Variants in KCNQ1 observed in about 807,000 individuals in gnomAD.
KCNQ1 encodes potassium voltage-gated channel subfamily Q member 1.
A neutral mutation model predicts 72.4 loss-of-function variants in KCNQ1; 49 were observed. The ratio of observed to expected loss-of-function variants is 0.68; its 90% CI spans 0.54 to 0.86. The LOEUF (loss-of-function observed/expected upper bound fraction) is 0.86, where lower values mean the gene tolerates loss of function less well. Among genes scored for constraint, KCNQ1 ranks in the 40% least tolerant of loss-of-function variants. The probability of loss-of-function intolerance (pLI) is 0.00; values close to 1 mark genes in which losing one functional copy is unlikely to be tolerated. For synonymous variants in KCNQ1, 450 were observed against 412.6 expected, an observed-to-expected ratio of 1.09 and a Z score of -1.10; for missense variants, 790 against 945.1, an observed-to-expected ratio of 0.84 and a Z score of 2.15.
intron 1 of KCNQ1, among the ~76,000 whole-genome samples, chr11:2,504,881 C>T (rs1229054811): frequency 2.0e-5 from 3 of 152,124 alleles, no homozygotes; most frequent in East Asian, 3.8e-4. Flanking sequence ...GTTAGAATAT[C>T]TCATGGACCC....
At position 2,674,347 on chromosome 11, in the gene KCNQ1, T is replaced by C. The variant is rs1850248629; in HGVS notation, c.1514+12266T>C. 1 of 398,240 alleles carries C rather than the reference T, an allele frequency of 2.5e-6. No homozygotes were observed. The highest frequency in any genetic ancestry group is 2.1e-5 in the African/African-American group (1 of 48,602). 24.7% of individuals were successfully genotyped at this position (398,240 alleles called of 1,614,324 possible). A position where few individuals can be genotyped will look rare whatever the true frequency, so the allele number is the denominator to read the frequency against. On this transcript the variant is annotated intron_variant, in intron 11 of 15. Coordinates refer to ENST00000155840, the MANE Select transcript of KCNQ1 (RefSeq NM_000218.3). This position sits in a 1 kb window ranked among gnomAD's most constrained non-coding sequence, Gnocchi z 5.9. ...ACACCCTCTGGAAATCTGAATTCCA[T>C]TCGCTCTTGGCAAAGAGCAGCTTCC... is the stretch of plus-strand genomic sequence containing the variant.
intron 11 of KCNQ1, chr11:2,684,177 C>T (rs1351781046): frequency 2.5e-6 from 1 of 398,502 alleles, no homozygotes; most frequent in Non-Finnish European, 4.4e-6. Flanking sequence ...AGAGAAGCGC[C>T]CACTGGGGCT....
chr11:2,801,656 T>C (rs1035120372), intron 15 of KCNQ1, among the ~76,000 whole-genome samples: 21 of 152,198 alleles, frequency 1.4e-4, no homozygotes, highest in Admixed American at 6.5e-5. Context: ...ACATTGGGGA[T>C]TAGGGCTTCA....
chr11:2,703,550 T>C lies in KCNQ1; in HGVS notation c.1514+41469T>C, dbSNP rs888491880. ...TTAGGCTCAAAACGTCCACTCGGCT[T>C]TTCTCTTGATTCCAAGGTATTTAGA... On this transcript the variant is annotated intron_variant, in intron 11 of 15. Coordinates refer to ENST00000155840, the MANE Select transcript of KCNQ1 (RefSeq NM_000218.3). The surrounding 1 kb of genome is among the most constrained non-coding windows in gnomAD (Gnocchi z 6.4). 6.6e-6 allele frequency among the ~76,000 whole-genome samples: 1 copy of C among 152,190 alleles called. No homozygotes were observed. The highest frequency in any genetic ancestry group is 1.5e-5 in the Non-Finnish European group (1 of 68,036).
chr11:2,612,780 C>G lies in KCNQ1; in HGVS notation c.1393+23926C>G, dbSNP rs971570812. On this transcript the variant is annotated intron_variant, in intron 10 of 15. Transcript: ENST00000155840. This position sits in a 1 kb window ranked among gnomAD's most constrained non-coding sequence, Gnocchi z 5.5. ...GCTCATTATTCTTGTTCAAGGGTCA[C>G]AATTTTCTGTTTCTTTGCATATCTC... 1.8e-5 allele frequency: 7 copies of G among 398,414 alleles called. No individual in the cohort carries two copies. Among genetic ancestry groups the G allele is most frequent in the Non-Finnish European group, 3.1e-5 (7 of 226,048 alleles). 24.7% of individuals were successfully genotyped at this position (398,414 alleles called of 1,614,324 possible).
intron 1 of KCNQ1, among the ~76,000 whole-genome samples, chr11:2,480,941 G>A (rs979317207): frequency 2.6e-5 from 4 of 152,230 alleles, no homozygotes; most frequent in Non-Finnish European, 5.9e-5. Context: ...GACGGGGGCA[G>A]TGTAGAAACC....
intron 2 of KCNQ1, among the ~76,000 whole-genome samples, chr11:2,555,488 AGGCGGCT>A (rs1848056828): frequency 6.6e-6 from 1 of 152,212 alleles, no homozygotes. Flanking sequence ...GCTGCCTGCC[AGGCGGCT>A]AATGGTGTCT....
Position 2,674,679 on chromosome 11 carries a change from T to C in KCNQ1, c.1514+12598T>C, listed in dbSNP as rs1202234668. 1.3e-5 allele frequency: 5 copies of C among 398,396 alleles called. No individual in the cohort carries two copies. Among genetic ancestry groups the C allele is most frequent in the Non-Finnish European group, 2.2e-5 (5 of 226,056 alleles). The allele number at this position is 398,396 out of a possible 1,614,324, so 24.7% of individuals were successfully genotyped here. A position where few individuals can be genotyped will look rare whatever the true frequency, so the allele number is the denominator to read the frequency against. ...CTTTTTGCAAAATAATTTGAAAAGT[T>C]TGTTGAACCTTAAACCTTTCCTGAT... On this transcript the variant is annotated intron_variant, in intron 11 of 15. Transcript: ENST00000155840. This position sits in a 1 kb window ranked among gnomAD's most constrained non-coding sequence, Gnocchi z 5.9.
rs1258549297 is a variant in KCNQ1 at position 2,759,832 on chromosome 11, G to A, written c.1515-9012G>A. 2.0e-5 allele frequency among the ~76,000 whole-genome samples: 3 copies of A among 152,080 alleles called. No individual in the cohort carries two copies. The highest frequency in any genetic ancestry group is 4.4e-5 in the Non-Finnish European group (3 of 67,978). Reference sequence around the variant, plus strand: ...GAGGCCAGCCCCTCCTCCACCCTGGGCATCTCCAGGCCCAGCCCCACCCTG... The same window carrying A: ...GAGGCCAGCCCCTCCTCCACCCTGGACATCTCCAGGCCCAGCCCCACCCTG... On this transcript the variant is annotated intron_variant, in intron 11 of 15. Coordinates refer to ENST00000155840, the MANE Select transcript of KCNQ1 (RefSeq NM_000218.3). This position sits in a 1 kb window ranked among gnomAD's most constrained non-coding sequence, Gnocchi z 4.4.
chr11:2,596,709 A>T (rs1269989891), intron 10 of KCNQ1, among the ~76,000 whole-genome samples: 1 of 152,116 alleles, frequency 6.6e-6, no homozygotes, highest in Non-Finnish European at 1.5e-5. Flanking sequence ...GGGTAGTAGT[A>T]GGAGGGAAAA....
At chr11:2,795,374 T>A (rs1463185521) in intron 15 of KCNQ1, among the ~76,000 whole-genome samples, 1 of 152,186 alleles carries the variant, frequency 6.6e-6, no homozygotes, top group Non-Finnish European at 1.5e-5. Flanking sequence ...TGTATCCCAC[T>A]TCGTTTCTCT....
chr11:2,667,209 C>T (rs1053465564), intron 11 of KCNQ1: 11 of 398,620 alleles, frequency 2.8e-5, no homozygotes, highest in Admixed American at 4.4e-5. Flanking sequence ...CCCCGTGGCC[C>T]CCTAACCTTT....
intron 10 of KCNQ1, chr11:2,628,007 AC>A (rs1849288699): frequency 1.8e-5 from 7 of 398,256 alleles, no homozygotes. Flanking sequence ...CACCTTGGCC[AC>A]CCCCAAGTAC....
Position 2,683,263 on chromosome 11 carries a change from C to T in KCNQ1, c.1514+21182C>T, listed in dbSNP as rs1850428655. ...AGTCCATGGCACCTCCAGAACCTGT[C>T]AGCCTGAGTATGGGCAATGGCGTTT... On this transcript the variant is annotated intron_variant, in intron 11 of 15. Transcript: ENST00000155840. This position sits in a 1 kb window ranked among gnomAD's most constrained non-coding sequence, Gnocchi z 4.7. The T allele has an allele frequency of 2.5e-6, 1 of 398,612 alleles. No homozygotes were observed. The highest frequency in any genetic ancestry group is 4.4e-6 in the Non-Finnish European group (1 of 226,076). 24.7% of individuals were successfully genotyped at this position (398,612 alleles called of 1,614,324 possible).
rs1236859000 is a variant in KCNQ1 at position 2,687,814 on chromosome 11, C to T, written c.1514+25733C>T. 2.5e-6 allele frequency: 1 copy of T among 398,754 alleles called. No individual in the cohort carries two copies. Among genetic ancestry groups the T allele is most frequent in the Non-Finnish European group, 4.4e-6 (1 of 226,166 alleles). The allele number at this position is 398,754 out of a possible 1,614,324, so 24.7% of individuals were successfully genotyped here. ...AGCCACCCAGCCTGGCCCCCCTCCT[C>T]TGCCCCAACTGGCTCCAGGCCAAAC... is the stretch of plus-strand genomic sequence containing the variant. On this transcript the variant is annotated intron_variant, in intron 11 of 15. Coordinates refer to ENST00000155840, the MANE Select transcript of KCNQ1 (RefSeq NM_000218.3). The surrounding 1 kb of genome is among the most constrained non-coding windows in gnomAD (Gnocchi z 5.0).
At position 2,824,306 on chromosome 11, in the gene KCNQ1, A is replaced by T. The variant is rs188217811; in HGVS notation, c.1795-23461A>T. The stretch of plus-strand genomic sequence containing the variant: ...GGAGGCTAGGCCCAGGGGTGGAAAG[A>T]AGACAGATACGAGAGGGGATTTGGA... On this transcript the variant is annotated intron_variant, in intron 15 of 15. Transcript: ENST00000155840. This position sits in a 1 kb window ranked among gnomAD's most constrained non-coding sequence, Gnocchi z 5.9. Among the ~76,000 whole-genome samples the T allele has an allele frequency of 6.6e-6, 1 of 152,182 alleles. No individual in the cohort carries two copies. Among genetic ancestry groups the T allele is most frequent in the Non-Finnish European group, 1.5e-5 (1 of 68,004 alleles).
At position 2,626,517 on chromosome 11, in the gene KCNQ1, T is replaced by G; in HGVS notation, c.1394-35444T>G. ...ACCACATAGTTTTGATTACTGTAGCTTCGTAATAAGTTGGGGTTTTTGTTT... is the reference window on the plus strand; with the variant it reads ...ACCACATAGTTTTGATTACTGTAGCGTCGTAATAAGTTGGGGTTTTTGTTT... On this transcript the variant is annotated intron_variant, in intron 10 of 15. Coordinates refer to ENST00000155840, the MANE Select transcript of KCNQ1 (RefSeq NM_000218.3). The surrounding 1 kb of genome is among the most constrained non-coding windows in gnomAD (Gnocchi z 4.0). The G allele has an allele frequency of 2.5e-6, 1 of 398,642 alleles. No individual in the cohort carries two copies. Among genetic ancestry groups the G allele is most frequent in the East Asian group, 3.6e-5 (1 of 28,076 alleles). 24.7% of individuals were successfully genotyped at this position (398,642 alleles called of 1,614,324 possible).
chr11:2,730,077 C>T (rs1845827370), intron 11 of KCNQ1, among the ~76,000 whole-genome samples: 1 of 151,942 alleles, frequency 6.6e-6, no homozygotes, highest in Non-Finnish European at 1.5e-5. Context: ...CTGGCTGGCC[C>T]CGAGTGCGGT....
At chr11:2,618,728 T>C in intron 10 of KCNQ1, 1 of 398,520 alleles carries the variant, frequency 2.5e-6, no homozygotes, top group Admixed American at 4.4e-5. Context: ...AAATTTTCCA[T>C]GGGATTTTGA....
Sources: allele counts gnomAD v4.1 joint callset (sites outside exome capture counted in the v4.1 genomes callset), GRCh38; gene constraint gnomAD v4.1.1; non-coding constraint Gnocchi (gnomAD v3.1); transcripts MANE v1.5; gene names NCBI Gene and HGNC (gene_info 2026-07-23, HGNC 2026-07-21).